B3GAT2: variants seen among roughly 807,000 people sequenced by gnomAD.
B3GAT2 encodes the protein beta-1,3-glucuronyltransferase 2.
B3GAT2 carries 26 observed loss-of-function variants against 27.8 expected under a neutral mutation model. That is an observed-to-expected ratio of 0.93 (90% CI 0.68 to 1.30). The LOEUF is 1.30. B3GAT2 is among the 50% of genes most tolerant of loss of function. B3GAT2 has a pLI of 0.00. For synonymous variants in B3GAT2, 218 were observed against 195.1 expected, an observed-to-expected ratio of 1.12 and a Z score of -0.98; for missense variants, 458 against 459.0, an observed-to-expected ratio of 1.00 and a Z score of 0.02.
intron 1 of B3GAT2, among the ~76,000 whole-genome samples, chr6:70,950,511 G>A (rs1415641124): frequency 1.3e-5 from 2 of 152,094 alleles, no homozygotes; most frequent in Admixed American, 6.6e-5. Context: ...ATGAGTTTCA[G>A]GACAGTCAAC....
chr6:70,859,375 T>C lies in B3GAT2; in HGVS notation c.*2288A>G. Reference sequence around the variant, plus strand: ...GTTCTCCAGCACTCCATCAGTGCAATCTACTGGCCAATGACAAGGTGGTTA... The same window carrying C: ...GTTCTCCAGCACTCCATCAGTGCAACCTACTGGCCAATGACAAGGTGGTTA... On this transcript the variant is annotated 3_prime_UTR_variant, in exon 4 of 4. Transcript: ENST00000230053. The C allele has an allele frequency of 2.6e-6, 4 of 1,549,528 alleles. No homozygotes were observed. The highest frequency in any genetic ancestry group is 3.5e-6 in the Non-Finnish European group (4 of 1,146,532).
chr6:70,908,950 A>C (rs1228849193), intron 1 of B3GAT2, among the ~76,000 whole-genome samples: 1 of 152,220 alleles, frequency 6.6e-6, no homozygotes, highest in African/African-American at 2.4e-5. Flanking sequence ...TTTAAAAGGT[A>C]GACACTTCCC....
chr6:70,915,581 T>C (rs966400902), intron 1 of B3GAT2, among the ~76,000 whole-genome samples: 6 of 152,220 alleles, frequency 3.9e-5, no homozygotes, highest in African/African-American at 1.4e-4. Flanking sequence ...TTAATTTTTG[T>C]ATAAGGTGTA....
chr6:70,876,603 T>C (rs1030850646), intron 2 of B3GAT2, among the ~76,000 whole-genome samples: 2 of 152,204 alleles, frequency 1.3e-5, no homozygotes, highest in South Asian at 4.1e-4. Context: ...CCTGGAAACA[T>C]AGTAAGCATT....
At chr6:70,930,740 G>C (rs918909741) in intron 1 of B3GAT2, among the ~76,000 whole-genome samples, 47 of 152,316 alleles carry the variant, frequency 3.1e-4, no homozygotes, top group African/African-American at 6.5e-4. Flanking sequence ...GTTGGTGGGA[G>C]TGTAAACTCG....
chr6:70,869,352 G>C (rs1173074196), intron 2 of B3GAT2, among the ~76,000 whole-genome samples: 3 of 152,088 alleles, frequency 2.0e-5, no homozygotes, highest in African/African-American at 7.2e-5. Flanking sequence ...TTCAAATTGG[G>C]AAGTATAAAT....
intron 2 of B3GAT2, among the ~76,000 whole-genome samples, chr6:70,887,669 A>G (rs1299934452): frequency 6.6e-6 from 1 of 152,338 alleles, no homozygotes; most frequent in East Asian, 1.9e-4. Flanking sequence ...AACCACTGTG[A>G]CAAGGTGCAG....
intron 1 of B3GAT2, among the ~76,000 whole-genome samples, chr6:70,952,583 G>C (rs7749568): frequency 6.6e-6 from 1 of 151,938 alleles, no homozygotes; most frequent in African/African-American, 2.4e-5. Context: ...TCCAGAGAGG[G>C]AGATGGATAG....
At chr6:70,890,486 G>A (rs182328402) in intron 2 of B3GAT2, among the ~76,000 whole-genome samples, 49 of 152,332 alleles carry the variant, frequency 3.2e-4, no homozygotes, top group Middle Eastern at 6.8e-3. Flanking sequence ...GCTGGCCTGT[G>A]TGTCACTTCA....
intron 1 of B3GAT2, among the ~76,000 whole-genome samples, chr6:70,915,504 G>A (rs1007767317): frequency 6.6e-6 from 1 of 152,162 alleles, no homozygotes; most frequent in Admixed American, 6.5e-5. Context: ...GAAGGGTATT[G>A]CCTAGGTTTT....
chr6:70,893,767 A>C (rs1432313223), intron 2 of B3GAT2, among the ~76,000 whole-genome samples: 1 of 152,164 alleles, frequency 6.6e-6, no homozygotes, highest in Non-Finnish European at 1.5e-5. Context: ...CTTCTAGAAA[A>C]GGGAGTCAAA....
chr6:70,874,436 C>A (rs1375429734), intron 2 of B3GAT2, among the ~76,000 whole-genome samples: 1 of 152,176 alleles, frequency 6.6e-6, no homozygotes, highest in African/African-American at 2.4e-5. Flanking sequence ...AGGCAATGTA[C>A]AACTGCTTTA....
chr6:70,897,995 C>T (rs1273278710), intron 1 of B3GAT2, among the ~76,000 whole-genome samples: 1 of 152,148 alleles, frequency 6.6e-6, no homozygotes, highest in Non-Finnish European at 1.5e-5. Context: ...ACCAATGCCA[C>T]AATATCCTGA....
chr6:70,920,147 C>A (rs559192850), intron 1 of B3GAT2, among the ~76,000 whole-genome samples: 101 of 152,326 alleles, frequency 6.6e-4, no homozygotes, highest in Admixed American at 1.5e-3. Context: ...GCTCCCCACC[C>A]ACCAAGCTCC....
intron 1 of B3GAT2, among the ~76,000 whole-genome samples, chr6:70,935,181 C>T (rs939024042): frequency 6.6e-6 from 1 of 151,736 alleles, no homozygotes. Flanking sequence ...TGTGGTGGCT[C>T]ACACCAGTAA....
intron 1 of B3GAT2, among the ~76,000 whole-genome samples, chr6:70,942,897 A>G (rs556726075): frequency 2.9e-4 from 44 of 152,312 alleles, no homozygotes; most frequent in East Asian, 5.8e-4. Flanking sequence ...TTAATGGAGA[A>G]TGGTCAGCAT....
chr6:70,940,360 G>A (rs964129433), intron 1 of B3GAT2, among the ~76,000 whole-genome samples: 1 of 152,170 alleles, frequency 6.6e-6, no homozygotes, highest in Non-Finnish European at 1.5e-5. Flanking sequence ...AAGGCTGGGA[G>A]AAGGGTGGAC....
At chr6:70,928,136 C>T (rs36198374) in intron 1 of B3GAT2, among the ~76,000 whole-genome samples, 19 of 151,952 alleles carry the variant, frequency 1.3e-4, no homozygotes, top group Non-Finnish European at 2.5e-4. Flanking sequence ...TTGAAACCAA[C>T]GAGAACAAAG....
intron 2 of B3GAT2, among the ~76,000 whole-genome samples, chr6:70,864,546 T>TA (rs2150021273): frequency 6.6e-6 from 1 of 152,268 alleles, no homozygotes; most frequent in East Asian, 1.9e-4. Context: ...TATTCTCTAA[T>TA]ACAAAGGGGT....
Sources: gnomAD v4.1 joint callset for allele counts (sites outside exome capture counted in the v4.1 genomes callset) on GRCh38, gnomAD v4.1.1 for gene constraint, MANE v1.5 for transcripts, NCBI Gene and HGNC (gene_info 2026-07-23, HGNC 2026-07-21) for gene names.